Variants in ARPP21 observed in about 807,000 individuals in gnomAD.
ARPP21 encodes cAMP-regulated phosphoprotein 21.
Under a neutral mutation model 113.2 loss-of-function variants are expected in ARPP21, and 69 were observed. That is an observed-to-expected ratio of 0.61 (90% confidence interval 0.50 to 0.74). The LOEUF is 0.74. Among genes scored for constraint, ARPP21 ranks in the 30% least tolerant of loss-of-function variants. The probability of loss-of-function intolerance (pLI) is 0.00; values close to 1 mark genes in which losing one functional copy is unlikely to be tolerated. For synonymous variants in ARPP21, 368 were observed against 375.5 expected, an observed-to-expected ratio of 0.98 and a Z score of 0.23; for missense variants, 1,070 against 1,037.4, an observed-to-expected ratio of 1.03 and a Z score of -0.43.
chr3:35,781,471 T>A (rs1413086139), intron 19 of ARPP21: 3 of 152,202 alleles, frequency 2.0e-5, no homozygotes, highest in African/African-American at 7.2e-5. Flanking sequence ...AAAATCTGAT[T>A]TAAGTGTTGA....
At chr3:35,689,708 G>A (rs1559627070) in intron 7 of ARPP21, among the ~76,000 whole-genome samples, 1 of 151,578 alleles carries the variant, frequency 6.6e-6, no homozygotes, top group Non-Finnish European at 1.5e-5. Flanking sequence ...TTTTAATGCA[G>A]CTATGTATTC....
chr3:35,681,232 T>A (rs1318844969), intron 2 of ARPP21: 6 of 152,032 alleles, frequency 3.9e-5, no homozygotes, highest in African/African-American at 1.4e-4. Context: ...ATAGTTTTTT[T>A]TGACCTTGCA....
At chr3:35,675,438 T>A (rs1559570761) in intron 1 of ARPP21, among the ~76,000 whole-genome samples, 1 of 151,840 alleles carries the variant, frequency 6.6e-6, no homozygotes, top group African/African-American at 2.4e-5. Context: ...AAAAAAACCC[T>A]CCTTATCTGT....
chr3:35,747,887 A>G (rs1368836827), intron 19 of ARPP21, among the ~76,000 whole-genome samples: 1 of 150,616 alleles, frequency 6.6e-6, no homozygotes, highest in African/African-American at 2.4e-5. Context: ...ACTCCAGCCT[A>G]GGTGACAGAG....
chr3:35,734,351 G>T (rs2094200234), intron 15 of ARPP21, among the ~76,000 whole-genome samples: 1 of 152,158 alleles, frequency 6.6e-6, no homozygotes, highest in Admixed American at 6.5e-5. Context: ...AAAATGGGTT[G>T]CAGTTTTGAA....
At chr3:35,765,687 A>G (rs1388778032) in intron 19 of ARPP21, among the ~76,000 whole-genome samples, 2 of 152,182 alleles carry the variant, frequency 1.3e-5, no homozygotes. Context: ...AGTGAGTTAT[A>G]AAATGAGAAA....
chr3:35,747,972 A>G (rs541389043), intron 19 of ARPP21, among the ~76,000 whole-genome samples: 1 of 149,782 alleles, frequency 6.7e-6, no homozygotes, highest in South Asian at 2.1e-4. Context: ...AGAGAGAGAG[A>G]GAGAGGGAGG....
At chr3:35,777,703 C>T (rs938376843) in intron 19 of ARPP21, among the ~76,000 whole-genome samples, 2 of 152,102 alleles carry the variant, frequency 1.3e-5, no homozygotes, top group Non-Finnish European at 2.9e-5. Flanking sequence ...TTTCATTTCC[C>T]TGAAATAGTC....
chr3:35,698,973 AT>A (rs777116277), intron 9 of ARPP21, among the ~76,000 whole-genome samples: 52 of 151,678 alleles, frequency 3.4e-4, no homozygotes, highest in Non-Finnish European at 6.5e-4. Context: ...TCAGATGAAA[AT>A]CATTTCTCAA....
At chr3:35,729,159 A>T (rs2093767037) in intron 14 of ARPP21, 144 bp from the exon 15 acceptor site, 1 of 593,090 alleles carries the variant, frequency 1.7e-6, no homozygotes, top group African/African-American at 1.9e-5. Context: ...AAAATATGAG[A>T]GGGGCATTAG....
chr3:35,693,042 C>A (rs2082702639), intron 9 of ARPP21, among the ~76,000 whole-genome samples: 1 of 151,300 alleles, frequency 6.6e-6, no homozygotes, highest in African/African-American at 2.4e-5. Context: ...AGAAGAGTGC[C>A]AGCTTTTTTT....
At chr3:35,776,632 C>T (rs1023317306) in intron 19 of ARPP21, among the ~76,000 whole-genome samples, 1 of 152,072 alleles carries the variant, frequency 6.6e-6, no homozygotes, top group East Asian at 1.9e-4. Flanking sequence ...GAAGTGTAAG[C>T]ATAGCTTTGA....
chr3:35,668,509 G>A (rs2075515882), intron 1 of ARPP21, among the ~76,000 whole-genome samples: 1 of 152,118 alleles, frequency 6.6e-6, no homozygotes, highest in Non-Finnish European at 1.5e-5. Context: ...AGGCCACAGA[G>A]TTGCCAGCAG....
At chr3:35,761,863 C>T (rs905469815) in intron 19 of ARPP21, among the ~76,000 whole-genome samples, 78 of 152,100 alleles carry the variant, frequency 5.1e-4, no homozygotes, top group African/African-American at 1.9e-3. Context: ...GTTATTTATT[C>T]ATTTCAGCAA....
intron 20 of ARPP21, 47 bp from the exon 21 acceptor site, chr3:35,793,654 C>T (rs768797040): frequency 3.5e-6 from 5 of 1,441,324 alleles, no homozygotes; most frequent in Middle Eastern, 1.7e-4. Flanking sequence ...ATTGTACAGA[C>T]CAAAATAGTC....
intron 14 of ARPP21, among the ~76,000 whole-genome samples, chr3:35,724,258 G>A (rs2093356566): frequency 6.6e-6 from 1 of 152,220 alleles, no homozygotes. Flanking sequence ...TCTGGAGGCA[G>A]ATGATGCGAT....
intron 19 of ARPP21, among the ~76,000 whole-genome samples, chr3:35,782,001 C>A (rs1217106962): frequency 1.3e-5 from 2 of 152,046 alleles, no homozygotes; most frequent in African/African-American, 2.4e-5. Flanking sequence ...ACAAGTGGAC[C>A]TTGTATTTTT....
intron 19 of ARPP21, among the ~76,000 whole-genome samples, chr3:35,776,834 G>A (rs1333903805): frequency 6.6e-6 from 1 of 152,086 alleles, no homozygotes; most frequent in African/African-American, 2.4e-5. Context: ...CTGGGCCCAA[G>A]TGCCTTTCTA....
chr3:35,686,635 A>G (rs773359449), intron 5 of ARPP21, among the ~76,000 whole-genome samples: 10 of 151,638 alleles, frequency 6.6e-5, no homozygotes, highest in Non-Finnish European at 1.3e-4. Context: ...CATTAGTTTA[A>G]TTTTCAGTGA....
Sources: gnomAD v4.1 joint callset for allele counts (sites outside exome capture counted in the v4.1 genomes callset) on GRCh38, gnomAD v4.1.1 for gene constraint, MANE v1.5 for transcripts, NCBI Gene and HGNC (gene_info 2026-07-23, HGNC 2026-07-21) for gene names.